The following LRMDA variants were observed in gnomAD, a reference collection of about 807,000 sequenced individuals.
The protein encoded by LRMDA is leucine-rich melanocyte differentiation-associated protein.
Under a neutral mutation model 29.8 loss-of-function variants are expected in LRMDA, and 18 were observed. That is an observed-to-expected ratio of 0.60 (90% CI 0.42 to 0.90). The LOEUF (loss-of-function observed/expected upper bound fraction) is 0.90, where lower values mean the gene tolerates loss of function less well. Ranked by LOEUF, LRMDA falls within the 40% of genes least tolerant of loss-of-function variation. The pLI is 0.00. For synonymous variants in LRMDA, 125 were observed against 109.4 expected (o/e 1.14, Z -0.89); for missense variants, 273 against 273.9 (o/e 1.00, Z 0.02).
chr10:76,544,381 A>G (rs1843394451), intron 6 of LRMDA, among the ~76,000 whole-genome samples: 1 of 152,200 alleles, frequency 6.6e-6, no homozygotes, highest in Non-Finnish European at 1.5e-5. Context: ...CCATCAAAGT[A>G]GTACATTCTA....
intron 2 of LRMDA, among the ~76,000 whole-genome samples, chr10:75,700,986 C>T (rs889969001): frequency 1.3e-5 from 2 of 152,186 alleles, no homozygotes; most frequent in Non-Finnish European, 2.9e-5. Flanking sequence ...CCAAGTGAGA[C>T]TTAATGGCAA....
At chr10:75,721,806 A>C (rs77522480) in intron 2 of LRMDA, among the ~76,000 whole-genome samples, 3,049 of 152,320 alleles carry the variant, frequency 0.02, 96 homozygotes, top group African/African-American at 0.068. Flanking sequence ...AGTAAGTTTT[A>C]TTGTAGTAAT....
At chr10:75,852,252 T>G (rs4288703) in intron 2 of LRMDA, among the ~76,000 whole-genome samples, 5 of 152,112 alleles carry the variant, frequency 3.3e-5, no homozygotes, top group Non-Finnish European at 7.3e-5. Context: ...TGAGAAAAAA[T>G]AGAGATTGAA....
chr10:75,718,660 A>G (rs1365816072), intron 2 of LRMDA, among the ~76,000 whole-genome samples: 1 of 152,260 alleles, frequency 6.6e-6, no homozygotes, highest in African/African-American at 2.4e-5. Flanking sequence ...ATCAGACAGA[A>G]TTCAACTTCA....
At chr10:75,964,551 A>G (rs1846823230) in intron 2 of LRMDA, among the ~76,000 whole-genome samples, 1 of 152,144 alleles carries the variant, frequency 6.6e-6, no homozygotes, top group Non-Finnish European at 1.5e-5. Flanking sequence ...GTTTAAGCAA[A>G]GTTTTATACA....
intron 2 of LRMDA, among the ~76,000 whole-genome samples, chr10:75,972,078 G>C (rs1274599123): frequency 6.6e-6 from 1 of 152,180 alleles, no homozygotes; most frequent in African/African-American, 2.4e-5. Context: ...TCTGGCTCTT[G>C]GATGTATCGC....
chr10:76,160,656 T>TA (rs1202226031), intron 5 of LRMDA, among the ~76,000 whole-genome samples: 1 of 152,148 alleles, frequency 6.6e-6, no homozygotes, highest in Non-Finnish European at 1.5e-5. Context: ...CCGCCAAATT[T>TA]AAAAAATTGG....
chr10:75,829,390 G>C (rs1056028984), intron 2 of LRMDA, among the ~76,000 whole-genome samples: 3 of 152,132 alleles, frequency 2.0e-5, no homozygotes, highest in Non-Finnish European at 4.4e-5. Flanking sequence ...TGTTTTAATG[G>C]GCTGTCTGTG....
chr10:76,069,415 A>G (rs1383318574), intron 5 of LRMDA, among the ~76,000 whole-genome samples: 1 of 152,228 alleles, frequency 6.6e-6, no homozygotes. Flanking sequence ...TAATTTAGCT[A>G]AGTTCAACGC....
At chr10:76,556,799 T>C (rs1453453478) in intron 6 of LRMDA, among the ~76,000 whole-genome samples, 1 of 152,220 alleles carries the variant, frequency 6.6e-6, no homozygotes, top group Non-Finnish European at 1.5e-5. Context: ...AGTCACATTC[T>C]GGGAAGATTG....
intron 5 of LRMDA, among the ~76,000 whole-genome samples, chr10:76,280,815 A>G (rs192269085): frequency 7.5e-6 from 1 of 133,306 alleles, no homozygotes; most frequent in Non-Finnish European, 1.5e-5. Flanking sequence ...AATGTGCCTT[A>G]AAAAAAAAGG....
At chr10:75,913,546 G>A (rs1026271916) in intron 2 of LRMDA, among the ~76,000 whole-genome samples, 1 of 152,142 alleles carries the variant, frequency 6.6e-6, no homozygotes, top group Admixed American at 6.5e-5. Context: ...AAGTCTCATA[G>A]GTCATGCGCC....
intron 2 of LRMDA, among the ~76,000 whole-genome samples, chr10:75,944,891 T>C (rs943737191): frequency 6.6e-6 from 1 of 152,074 alleles, no homozygotes; most frequent in African/African-American, 2.4e-5. Flanking sequence ...TAATCATCTT[T>C]TCCCTTAAGA....
intron 2 of LRMDA, among the ~76,000 whole-genome samples, chr10:75,483,867 G>GTTTTTTTTTTTTTTTTTTTTTTTTTTT (rs548925147): frequency 8.4e-6 from 1 of 119,142 alleles, no homozygotes; most frequent in Non-Finnish European, 1.7e-5. Flanking sequence ...GTATGGAGAG[G>GTTTTTTTTTTTTTTTTTTTTTTTTTTT]TTTTTTTTTT....
intron 5 of LRMDA, among the ~76,000 whole-genome samples, chr10:76,086,001 TG>T (rs2132084787): frequency 6.6e-6 from 1 of 152,316 alleles, no homozygotes; most frequent in African/African-American, 2.4e-5. Flanking sequence ...TTCACTCTTC[TG>T]CACCACCCCC....
intron 2 of LRMDA, among the ~76,000 whole-genome samples, chr10:75,879,154 T>G (rs966097499): frequency 6.6e-6 from 1 of 152,198 alleles, no homozygotes; most frequent in Non-Finnish European, 1.5e-5. Context: ...GGTGTCAGTC[T>G]TATAACTTGA....
intron 2 of LRMDA, among the ~76,000 whole-genome samples, chr10:75,635,932 T>A (rs2132116073): frequency 6.6e-6 from 1 of 152,264 alleles, no homozygotes; most frequent in African/African-American, 2.4e-5. Context: ...AGTGCTGGAG[T>A]GGGAAGTCCT....
intron 5 of LRMDA, among the ~76,000 whole-genome samples, chr10:76,079,562 C>T (rs201705073): frequency 7.3e-4 from 111 of 152,116 alleles, no homozygotes; most frequent in African/African-American, 2.6e-3. Flanking sequence ...CTTGGAGCCC[C>T]ACATTAGATG....
intron 6 of LRMDA, among the ~76,000 whole-genome samples, chr10:76,541,746 C>T (rs1843358640): frequency 6.6e-6 from 1 of 152,104 alleles, no homozygotes; most frequent in African/African-American, 2.4e-5. Flanking sequence ...CACGGCATGC[C>T]AGTCCAGAGT....
Sources: allele counts gnomAD v4.1 joint callset (sites outside exome capture counted in the v4.1 genomes callset), GRCh38; gene constraint gnomAD v4.1.1; transcripts MANE v1.5; gene names NCBI Gene and HGNC (gene_info 2026-07-23, HGNC 2026-07-21).